The following DPP10 variants were observed in gnomAD, a reference collection of about 807,000 sequenced individuals.
DPP10 encodes the protein dipeptidyl peptidase like 10.
In DPP10, 33 loss-of-function variants were observed where a neutral mutation model predicts 120.9. The observed-to-expected ratio is 0.27, with a 90% CI of 0.21 to 0.37. DPP10 has a LOEUF of 0.37. DPP10 is among the 10% of genes least tolerant of loss of function. The pLI is 1.00. For missense variants in DPP10, 816 were observed against 942.8 expected, an observed-to-expected ratio of 0.87 and a Z score of 1.76; for synonymous variants, 337 against 326.1, an observed-to-expected ratio of 1.03 and a Z score of -0.36.
At chr2:114,462,131 G>A (rs1573398975) in intron 1 of DPP10, 12 of 985,180 alleles carry the variant, frequency 1.2e-5, no homozygotes, top group Admixed American at 6.2e-5. Context: ...ACATTATCCC[G>A]TAACACCAGG....
At chr2:115,078,349 C>G (rs141260554) in intron 1 of DPP10, among the ~76,000 whole-genome samples, 2,483 of 152,200 alleles carry the variant, frequency 0.016, 54 homozygotes, top group African/African-American at 0.047. Flanking sequence ...TGTAACCTCA[C>G]AAACACATCA....
intron 1 of DPP10, among the ~76,000 whole-genome samples, chr2:115,044,285 C>T (rs546041420): frequency 6.6e-6 from 1 of 152,044 alleles, no homozygotes; most frequent in South Asian, 2.1e-4. Context: ...AAGTAAGATG[C>T]CTCACATGGC....
intron 3 of DPP10, among the ~76,000 whole-genome samples, chr2:115,387,341 CTTATTT>C: frequency 6.6e-6 from 1 of 152,222 alleles, no homozygotes; most frequent in Non-Finnish European, 1.5e-5. Context: ...GCTACAACAA[CTTATTT>C]TTAGTTTTAG....
intron 1 of DPP10, among the ~76,000 whole-genome samples, chr2:114,830,222 A>G (rs1686969936): frequency 6.6e-6 from 1 of 151,886 alleles, no homozygotes; most frequent in Non-Finnish European, 1.5e-5. Flanking sequence ...TATGGTATTG[A>G]TAGCTCTCAA....
intron 3 of DPP10, among the ~76,000 whole-genome samples, chr2:115,458,405 A>G (rs2073750523): frequency 6.6e-6 from 1 of 152,156 alleles, no homozygotes; most frequent in Non-Finnish European, 1.5e-5. Flanking sequence ...TTTAGACACT[A>G]CTTTTGATCG....
intron 5 of DPP10, among the ~76,000 whole-genome samples, chr2:115,530,397 C>G (rs927756598): frequency 6.6e-6 from 1 of 151,950 alleles, no homozygotes; most frequent in Non-Finnish European, 1.5e-5. Context: ...AACTTTTACT[C>G]AGGGTAATCA....
intron 3 of DPP10, among the ~76,000 whole-genome samples, chr2:115,452,843 T>C (rs2073218341): frequency 6.6e-6 from 1 of 151,866 alleles, no homozygotes. Flanking sequence ...GACATATTCG[T>C]TTAGTAGGTC....
intron 3 of DPP10, among the ~76,000 whole-genome samples, chr2:115,388,252 A>C (rs2067089245): frequency 6.6e-6 from 1 of 152,252 alleles, no homozygotes; most frequent in South Asian, 2.1e-4. Flanking sequence ...TTTGAGATAA[A>C]GTCAAAGAGG....
intron 11 of DPP10, among the ~76,000 whole-genome samples, chr2:115,756,907 G>T (rs1679479699): frequency 6.6e-6 from 1 of 152,054 alleles, no homozygotes; most frequent in Non-Finnish European, 1.5e-5. Context: ...AAAGGAGGCT[G>T]AACTCGTCCT....
intron 10 of DPP10, among the ~76,000 whole-genome samples, chr2:115,747,594 C>CTT (rs3980905): frequency 0.023 from 3,266 of 141,198 alleles, 140 homozygotes; most frequent in African/African-American, 0.076. Flanking sequence ...ATCCCCTTGT[C>CTT]TTTTTTTTTT....
intron 1 of DPP10, among the ~76,000 whole-genome samples, chr2:114,753,838 G>A (rs1341371903): frequency 6.7e-6 from 1 of 150,178 alleles, no homozygotes; most frequent in Non-Finnish European, 1.5e-5. Flanking sequence ...GAACCCGGGA[G>A]GGGGAGCTTG....
intron 1 of DPP10, among the ~76,000 whole-genome samples, chr2:114,457,793 C>G (rs574319923): frequency 3.3e-5 from 5 of 152,182 alleles, no homozygotes; most frequent in Non-Finnish European, 7.3e-5. Flanking sequence ...AGGAAGGACG[C>G]TCCTGCATTT....
intron 1 of DPP10, among the ~76,000 whole-genome samples, chr2:114,596,221 T>C (rs148007628): frequency 2.5e-4 from 38 of 152,190 alleles, no homozygotes; most frequent in Middle Eastern, 3.4e-3. Flanking sequence ...CTTCTGCTCA[T>C]TGGGCCCATT....
At chr2:115,659,169 T>G (rs2088674753) in intron 5 of DPP10, among the ~76,000 whole-genome samples, 1 of 152,162 alleles carries the variant, frequency 6.6e-6, no homozygotes, top group Non-Finnish European at 1.5e-5. Context: ...AGGAGATGAC[T>G]TAGCAAGAAG....
intron 3 of DPP10, among the ~76,000 whole-genome samples, chr2:115,485,628 A>G (rs552970923): frequency 2.6e-5 from 4 of 152,228 alleles, no homozygotes; most frequent in African/African-American, 9.6e-5. Context: ...ACAGTGATCA[A>G]TCTTCTCTCT....
chr2:115,128,847 T>G (rs1270119361), intron 1 of DPP10, among the ~76,000 whole-genome samples: 1 of 152,212 alleles, frequency 6.6e-6, no homozygotes, highest in Non-Finnish European at 1.5e-5. Flanking sequence ...CTGAACTTGT[T>G]CTTACAAATA....
At chr2:115,301,488 T>A (rs974943986) in intron 1 of DPP10, among the ~76,000 whole-genome samples, 1 of 112,638 alleles carries the variant, frequency 8.9e-6, no homozygotes, top group African/African-American at 3.4e-5. Flanking sequence ...TTTTTTTTTT[T>A]AACTGCACTC....
intron 1 of DPP10, among the ~76,000 whole-genome samples, chr2:114,543,763 C>G (rs1227027367): frequency 6.7e-6 from 1 of 148,318 alleles, no homozygotes; most frequent in Non-Finnish European, 1.5e-5. Flanking sequence ...TTTTTTTTCT[C>G]CTTGTATTGA....
At chr2:115,688,512 T>A (rs1205851531) in intron 5 of DPP10, among the ~76,000 whole-genome samples, 1 of 152,120 alleles carries the variant, frequency 6.6e-6, no homozygotes, top group African/African-American at 2.4e-5. Context: ...AAAATGAAAG[T>A]ATCAATAAAA....
Sources: allele counts gnomAD v4.1 joint callset (sites outside exome capture counted in the v4.1 genomes callset), GRCh38; gene constraint gnomAD v4.1.1; transcripts MANE v1.5; gene names NCBI Gene and HGNC (gene_info 2026-07-23, HGNC 2026-07-21).